RPUSD3: variants seen among roughly 807,000 people sequenced by gnomAD.
RPUSD3 encodes RNA pseudouridine synthase D3.
A neutral mutation model predicts 35.1 loss-of-function variants in RPUSD3; 36 were observed. The observed-to-expected ratio is 1.02, with a 90% CI of 0.79 to 1.35. The LOEUF (loss-of-function observed/expected upper bound fraction) is 1.35. Among genes scored for constraint, RPUSD3 ranks in the 40% most tolerant of loss-of-function variants. The pLI is 0.00. For missense variants in RPUSD3, 486 were observed against 441.9 expected (o/e 1.10, Z -0.89); for synonymous variants, 202 against 187.8 (o/e 1.08, Z -0.62).
rs148003421 is a variant in RPUSD3 at position 9,841,429 on chromosome 3, C to T, written c.407+554G>A. 8.1e-3 allele frequency: 1,244 copies of T among 154,252 alleles called. 15 individuals are homozygous for T. The highest frequency in any genetic ancestry group is 0.028 in the African/African-American group (1,175 of 41,542). 9.6% of individuals were successfully genotyped at this position (154,252 alleles called of 1,614,324 possible). ...TTCTGAGCTCAGGTGATTCTCCCAT[C>T]TCAGCCACCCGAGCACTACAGGCAT... On this transcript the variant is annotated intron_variant, in intron 4 of 8. Transcript: ENST00000383820.
Position 9,840,636 on chromosome 3 carries a change from A to G in RPUSD3, c.516-20T>C. On this transcript the variant is annotated intron_variant, in intron 5 of 8. Transcript: ENST00000383820. ...ACAGCACTGAGAAAGGGGCAGGAGGAGGTCACAGGGTGGCTTGCTGGGACC... is the reference window on the plus strand; with the variant it reads ...ACAGCACTGAGAAAGGGGCAGGAGGGGGTCACAGGGTGGCTTGCTGGGACC... 6.2e-7 allele frequency: 1 copy of G among 1,612,710 alleles called. No homozygotes were observed. Among genetic ancestry groups the G allele is most frequent in the Non-Finnish European group, 8.5e-7 (1 of 1,179,124 alleles).
intron 4 of RPUSD3, chr3:9,841,291 A>G (rs1435858939): frequency 1.3e-5 from 2 of 153,386 alleles, no homozygotes; most frequent in African/African-American, 4.8e-5. Flanking sequence ...CATTAGGGGA[A>G]CTGAAGCTCA....
At chr3:9,840,475 T>C (rs766600510) in intron 6 of RPUSD3, 57 bp downstream of exon 6, 9 of 1,589,368 alleles carry the variant, frequency 5.7e-6, no homozygotes, top group Non-Finnish European at 7.8e-6. Context: ...CCCTGACTCC[T>C]CTCTGTAGGG....
intron 4 of RPUSD3, 91 bp from the exon 5 acceptor site, chr3:9,840,896 C>T: frequency 1.2e-6 from 1 of 819,046 alleles, no homozygotes; most frequent in South Asian, 1.7e-5. Flanking sequence ...TGCTTCAGGC[C>T]AAACACTAAC....
In RPUSD3 at chr3:9,844,004, A is replaced by C. The variant is rs768922294; in HGVS notation, c.11T>G (p.Val4Gly). 12 of 1,587,732 alleles carry C rather than the reference A, an allele frequency of 7.6e-6. No individual in the cohort carries two copies. In the South Asian group the frequency reaches 1.4e-4, roughly 18 times the overall value. Reference sequence around the variant, plus strand: ...GCGGCCGTCCATCTCCCGAGCCAGGACAGCGCGCATGTGCGTCCAGAGGGG... The same window carrying C: ...GCGGCCGTCCATCTCCCGAGCCAGGCCAGCGCGCATGTGCGTCCAGAGGGG... The change falls in exon 1 of 9, where the codon GTC (valine) becomes GGC (glycine). Residue 4 changes from valine (V) to glycine (G), a missense_variant. Transcript: ENST00000383820.
At chr3:9,843,683 T>G in intron 1 of RPUSD3, 82 bp from the exon 2 acceptor site, 2 of 1,563,830 alleles carry the variant, frequency 1.3e-6, no homozygotes, top group Non-Finnish European at 1.7e-6. Flanking sequence ...TCTTCCCAAA[T>G]CCTGCGGCCT....
At chr3:9,841,942 G>T in intron 4 of RPUSD3, 41 bp downstream of exon 4, 2 of 1,531,528 alleles carry the variant, frequency 1.3e-6, no homozygotes, top group Non-Finnish European at 1.8e-6. Flanking sequence ...ACCACAGATG[G>T]ATGCCTGTAC....
exon 4 of RPUSD3, chr3:9,842,057 GAAC>G (rs770835718): frequency 5.6e-6 from 9 of 1,611,630 alleles, no homozygotes; most frequent in Non-Finnish European, 7.6e-6. Flanking sequence ...GCAGCACTGA[GAAC>G]AACGTCAGCT....
At chr3:9,842,559 A>T in intron 2 of RPUSD3, 1 of 458,174 alleles carries the variant, frequency 2.2e-6, no homozygotes, top group Non-Finnish European at 4.0e-6. Flanking sequence ...CACCATCATA[A>T]CACCCTGTTT....
chr3:9,838,718 A>G (rs984581485), intron 8 of RPUSD3, among the ~76,000 whole-genome samples: 5 of 152,228 alleles, frequency 3.3e-5, no homozygotes, highest in African/African-American at 1.2e-4. Context: ...TAGAGCAGGT[A>G]GAGGCATCTG....
intron 4 of RPUSD3, 83 bp downstream of exon 4, chr3:9,841,900 G>T: frequency 8.9e-7 from 1 of 1,125,452 alleles, no homozygotes; most frequent in Non-Finnish European, 1.3e-6. Flanking sequence ...CATGGAAAAT[G>T]TCTCAGCTTA....
chr3:9,842,370 T>C, intron 2 of RPUSD3, 127 bp from the exon 3 acceptor site: 1 of 899,004 alleles, frequency 1.1e-6, no homozygotes, highest in Non-Finnish European at 1.9e-6. Flanking sequence ...AGACATGAGT[T>C]AACTACCCCA....
chr3:9,842,887 ATTAT>A (rs527485633), intron 2 of RPUSD3: 4 of 153,768 alleles, frequency 2.6e-5, no homozygotes, highest in Non-Finnish European at 2.9e-5. Flanking sequence ...ATAAATAATC[ATTAT>A]TTATTTATTT....
At chr3:9,842,315 A>T in intron 2 of RPUSD3, 72 bp from the exon 3 acceptor site, 2 of 1,472,694 alleles carry the variant, frequency 1.4e-6, no homozygotes, top group Non-Finnish European at 1.9e-6. Context: ...GAGTTTCCAG[A>T]GCACTTTCTC....
chr3:9,838,298 T>C, intron 8 of RPUSD3, 91 bp from the exon 9 acceptor site: 1 of 1,252,034 alleles, frequency 8.0e-7, no homozygotes, highest in Non-Finnish European at 1.1e-6. Flanking sequence ...AGGCGGGCGC[T>C]TCCTCCATTC....
At chr3:9,839,171 A>T (rs763198758) in exon 8 of RPUSD3, 19 of 1,605,946 alleles carry the variant, frequency 1.2e-5, no homozygotes, top group South Asian at 1.1e-4. Flanking sequence ...ACTGGAGAAC[A>T]CTGGGCAACA....
chr3:9,840,810 A>G lies in RPUSD3; in HGVS notation c.408-5T>C. On this transcript the variant is annotated splice_region_variant and splice_polypyrimidine_tract_variant and intron_variant, in intron 4 of 8. Coordinates refer to ENST00000383820, the Ensembl canonical transcript of RPUSD3. Reference sequence around the variant, plus strand: ...AGTACAAGCCCAGAGCTTTCTCTGGAATAAGCAGACAAATCACACAAGTTA... The same window carrying G: ...AGTACAAGCCCAGAGCTTTCTCTGGGATAAGCAGACAAATCACACAAGTTA... 1 of 1,608,732 alleles carries G rather than the reference A, an allele frequency of 6.2e-7. No homozygotes were observed. The highest frequency in any genetic ancestry group is 8.5e-7 in the Non-Finnish European group (1 of 1,176,744).
Position 9,840,811 on chromosome 3 carries a change from A to G in RPUSD3, c.408-6T>C. ...GTACAAGCCCAGAGCTTTCTCTGGA[A>G]TAAGCAGACAAATCACACAAGTTAA... On this transcript the variant is annotated splice_region_variant and splice_polypyrimidine_tract_variant and intron_variant, in intron 4 of 8. Coordinates refer to ENST00000383820, the Ensembl canonical transcript of RPUSD3. 1 of 1,607,306 alleles carries G rather than the reference A, an allele frequency of 6.2e-7. No individual in the cohort carries two copies. Among genetic ancestry groups the G allele is most frequent in the Non-Finnish European group, 8.5e-7 (1 of 1,175,740 alleles).
intron 6 of RPUSD3, 93 bp downstream of exon 6, chr3:9,840,439 G>C (rs17253355): frequency 0.02 from 31,346 of 1,598,760 alleles, 1,108 homozygotes; most frequent in Admixed American, 0.16. Context: ...TAGGGGACAG[G>C]AGAGCCAGCC....
Sources: gnomAD v4.1 joint callset for allele counts (sites outside exome capture counted in the v4.1 genomes callset) on GRCh38, gnomAD v4.1.1 for gene constraint, MANE v1.5 for transcripts, NCBI Gene and HGNC (gene_info 2026-07-23, HGNC 2026-07-21) for gene names.